Variants in KRT82 observed in about 807,000 individuals in gnomAD.
KRT82 encodes keratin, type II cuticular Hb2.
Under a neutral mutation model 48.0 loss-of-function variants are expected in KRT82, and 44 were observed. That is an observed-to-expected ratio of 0.92 (90% CI 0.72 to 1.18). The LOEUF (loss-of-function observed/expected upper bound fraction) is 1.18. Among genes scored for constraint, KRT82 ranks in the 50% most tolerant of loss-of-function variants. The pLI, the probability that KRT82 is intolerant of heterozygous loss-of-function variation, is 0.00. For synonymous variants in KRT82, 297 were observed against 278.3 expected (o/e 1.07, Z -0.67); for missense variants, 701 against 671.4 (o/e 1.04, Z -0.49).
At chr12:52,401,586 C>T (rs940596634) in intron 2 of KRT82, among the ~76,000 whole-genome samples, 14 of 152,202 alleles carry the variant, frequency 9.2e-5, no homozygotes, top group Non-Finnish European at 1.8e-4. Context: ...GCGATGAGTC[C>T]TCCCTGGGAG....
Position 52,401,340 on chromosome 12 carries a change from C to A in KRT82, c.630G>T (p.Glu210Asp). 6.2e-7 allele frequency: 1 copy of A among 1,614,100 alleles called. No homozygotes were observed. Among genetic ancestry groups the A allele is most frequent in the Non-Finnish European group, 8.5e-7 (1 of 1,179,982 alleles). Residue 210 changes from glutamate (E) to aspartate (D), a missense_variant, in exon 3 of 9, where the codon GAG becomes GAT. Physicochemically the swap from Glu to Asp is conservative, Grantham distance 45. Transcript: ENST00000257974. ...CAACACAGGGACGCAGGGAGAGCTC[C>A]TCTTCGTATCTGATGGAAAAGGCAG... The part of the protein sequence containing the change: ...ALEGYKKKYE[E>D]ELSLRPCVEN...
intron 2 of KRT82, among the ~76,000 whole-genome samples, chr12:52,403,253 G>T (rs1325510579): frequency 2.0e-5 from 3 of 152,208 alleles, no homozygotes; most frequent in Non-Finnish European, 4.4e-5. Flanking sequence ...GAAAAGGTGG[G>T]CTGTGGTAGC....
At chr12:52,397,194 C>T (rs1388330948) in intron 5 of KRT82, among the ~76,000 whole-genome samples, 186 bp from the exon 6 acceptor site, 1 of 152,194 alleles carries the variant, frequency 6.6e-6, no homozygotes, top group Admixed American at 6.5e-5. Flanking sequence ...GTGGGCTGTT[C>T]CTGATTCCCA....
rs576383139 is a variant in KRT82 at position 52,395,860 on chromosome 12, G to A, written c.1290-70C>T. 24 of 1,456,004 alleles carry A rather than the reference G, an allele frequency of 1.6e-5. No homozygotes were observed. In the East Asian group the frequency reaches 1.8e-4, roughly 11 times the overall value. 90.2% of individuals were successfully genotyped at this position (1,456,004 alleles called of 1,614,324 possible). A position where few individuals can be genotyped will look rare whatever the true frequency, so the allele number is the denominator to read the frequency against. ...ATGCAGGTAAATGCAGCATCTCCCCGCTCCCGCCCTCATTGTGGACCATGT... is the reference window on the plus strand; with the variant it reads ...ATGCAGGTAAATGCAGCATCTCCCCACTCCCGCCCTCATTGTGGACCATGT... On this transcript the variant is annotated intron_variant, in intron 7 of 8. Transcript: ENST00000257974.
rs755959670 is a variant in KRT82 at position 52,406,161 on chromosome 12, C to T, written c.117G>A (p.Arg39=). The part of the protein sequence containing the change: ...THYAVSKGPC[R]PGGGRGLRAL... ...CTCGGAGGCCCCTACCACCCCCGGG[C>T]CGGCATGGCCCCTTGCTCACTGCAT... Residue 39 remains arginine (R), a synonymous_variant, in exon 1 of 9, where the codon CGG becomes CGA. Transcript: ENST00000257974. 6.2e-7 allele frequency: 1 copy of T among 1,613,228 alleles called. No homozygotes were observed. Among genetic ancestry groups the T allele is most frequent in the South Asian group, 1.1e-5 (1 of 91,026 alleles).
chr12:52,400,502 C>A lies in KRT82; in HGVS notation c.777+25G>T, dbSNP rs766659222. ...TCCCTTGGCTCCAGCCCTGACTAACCACCCAAGGTCAGGGCTGTGGGTACC... is the reference window on the plus strand; with the variant it reads ...TCCCTTGGCTCCAGCCCTGACTAACAACCCAAGGTCAGGGCTGTGGGTACC... On this transcript the variant is annotated intron_variant, in intron 4 of 8. Transcript: ENST00000257974. The A allele has an allele frequency of 1.9e-6, 3 of 1,564,658 alleles. No homozygotes were observed. In the South Asian group the frequency reaches 3.3e-5, roughly 17 times the overall value.
intron 6 of KRT82, among the ~76,000 whole-genome samples, chr12:52,396,656 T>C (rs1565781161): frequency 6.6e-6 from 1 of 152,204 alleles, no homozygotes; most frequent in African/African-American, 2.4e-5. Context: ...ATCTTTGACA[T>C]TGGTCACCTC....
Position 52,403,863 on chromosome 12 carries a change from T to C in KRT82, c.458A>G (p.Asn153Ser), listed in dbSNP as rs1406941518. 6.2e-7 allele frequency: 1 copy of C among 1,614,004 alleles called. No homozygotes were observed. Among genetic ancestry groups the C allele is most frequent in the Admixed American group, 1.7e-5 (1 of 60,022 alleles). Residue 153 changes from asparagine (N) to serine (S), a missense_variant, in exon 2 of 9, where the codon AAC (asparagine) becomes AGC (serine). By Grantham distance (46) the Asn-to-Ser change is conservative. Transcript: ENST00000257974. ...GCAGCACCTCTGCTGCTGCATGAAG[T>C]TCCACTTGGTCTCCAGCAGCTTGTT... Reference protein sequence around the residue: ...QKNKLLETKWNFMQQQRCCQT... With the variant: ...QKNKLLETKWSFMQQQRCCQT...
chr12:52,401,088 G>A (rs990770508), intron 3 of KRT82, among the ~76,000 whole-genome samples: 2 of 152,270 alleles, frequency 1.3e-5, no homozygotes, highest in Admixed American at 1.3e-4. Flanking sequence ...CTGGCCTTTT[G>A]CAAGGGGACA....
In KRT82 at chr12:52,394,735, G is replaced by C; in HGVS notation, c.*240C>G. 1.7e-6 allele frequency: 1 copy of C among 582,206 alleles called. No homozygotes were observed. 36.1% of individuals were successfully genotyped at this position (582,206 alleles called of 1,614,324 possible). ...GAGCAATGCATGCTCTTTCTCTGCC[G>C]TCTGTCCCCACCATCTGGGCCTAGC... On this transcript the variant is annotated 3_prime_UTR_variant, in exon 9 of 9. Coordinates refer to ENST00000257974, the MANE Select transcript of KRT82 (RefSeq NM_033033.4).
chr12:52,405,823 T>C, intron 1 of KRT82, 44 bp downstream of exon 1: 1 of 1,556,150 alleles, frequency 6.4e-7, no homozygotes, highest in Non-Finnish European at 8.7e-7. Context: ...AGACCCCAGA[T>C]CTGCAGTGGG....
At position 52,400,119 on chromosome 12, in the gene KRT82, C is replaced by T; in HGVS notation, c.808G>A (p.Glu270Lys). ...TCCATCTTCACAATGACCGAGGTCT[C>T]AGAGATCTGAGACTGGAGCAGGCAG... ...EICLLQSQIS[E>K]TSVIVKMDNS... Residue 270 changes from glutamate (E) to lysine (K), a missense_variant, in exon 5 of 9, where the codon GAG (glutamate) becomes AAG (lysine). Physicochemically the swap from Glu to Lys is moderately conservative, Grantham distance 56. Coordinates refer to ENST00000257974, the MANE Select transcript of KRT82 (RefSeq NM_033033.4). 6.2e-7 allele frequency: 1 copy of T among 1,614,012 alleles called. No individual in the cohort carries two copies. Among genetic ancestry groups the T allele is most frequent in the Non-Finnish European group, 8.5e-7 (1 of 1,179,890 alleles).
At chr12:52,397,492 T>C (rs927726324) in intron 5 of KRT82, among the ~76,000 whole-genome samples, 2 of 152,276 alleles carry the variant, frequency 1.3e-5, no homozygotes, top group Non-Finnish European at 2.9e-5. Context: ...ATGCAATTTA[T>C]GTCCTACCTT....
intron 5 of KRT82, among the ~76,000 whole-genome samples, chr12:52,399,165 C>T (rs1469283429): frequency 1.3e-5 from 2 of 152,228 alleles, no homozygotes; most frequent in Non-Finnish European, 2.9e-5. Flanking sequence ...CCAACACTCC[C>T]TACCCTTCCC....
intron 1 of KRT82, 64 bp from the exon 2 acceptor site, chr12:52,403,973 C>T: frequency 6.7e-7 from 1 of 1,488,066 alleles, no homozygotes; most frequent in Non-Finnish European, 9.2e-7. Context: ...TTAGAGAGGG[C>T]AATGGAATGA....
At chr12:52,395,300 C>T in intron 8 of KRT82, 105 bp from the exon 9 acceptor site, 2 of 881,226 alleles carry the variant, frequency 2.3e-6, no homozygotes, top group Admixed American at 2.3e-5. Context: ...CTGCCACTCA[C>T]CTCTACAGAC....
Position 52,405,882 on chromosome 12 carries a change from T to C in KRT82, c.396A>G (p.Ala132=), listed in dbSNP as rs200824008. ...GCCCCCTTACCTTGTTGATGAAAGA[T>C]GCGAAACGGTTGTTGAGGCACTTGA... ...EQIKCLNNRF[A]SFINKVRFLE... The change falls in exon 1 of 9, where the codon GCA becomes GCG. Residue 132 remains alanine (A), a synonymous_variant. Coordinates refer to ENST00000257974, the MANE Select transcript of KRT82 (RefSeq NM_033033.4). 2.2e-5 allele frequency: 35 copies of C among 1,612,118 alleles called. No homozygotes were observed. Among genetic ancestry groups the C allele is most frequent in the Non-Finnish European group, 2.5e-5 (30 of 1,178,704 alleles).
In KRT82 at chr12:52,401,239, G is replaced by T. The variant is rs201729786; in HGVS notation, c.681+50C>A. 1.0e-5 allele frequency: 16 copies of T among 1,534,258 alleles called. No individual in the cohort carries two copies. In the African/African-American group the frequency reaches 2.0e-4, roughly 20 times the overall value. On this transcript the variant is annotated intron_variant, in intron 3 of 8. Coordinates refer to ENST00000257974, the MANE Select transcript of KRT82 (RefSeq NM_033033.4). ...CTGAGTTCAGGGCTAGGTGGCCTGG[G>T]GCAACGCAGGCCAGCTCAGGGGCTC...
chr12:52,400,280 C>T, intron 4 of KRT82, 131 bp from the exon 5 acceptor site: 3 of 949,840 alleles, frequency 3.2e-6, no homozygotes, highest in Non-Finnish European at 4.6e-6. Context: ...GGGCTTCAGT[C>T]ACCAACTGAC....
Sources: gnomAD v4.1 joint callset for allele counts (sites outside exome capture counted in the v4.1 genomes callset) on GRCh38, gnomAD v4.1.1 for gene constraint, MANE v1.5 for transcripts, NCBI Gene and HGNC (gene_info 2026-07-23, HGNC 2026-07-21) for gene names.